The following AMMECR1 variants were observed in gnomAD, a reference collection of about 807,000 sequenced individuals.
AMMECR1 encodes AMMECR nuclear protein 1.
In AMMECR1, 3 loss-of-function variants were observed where a neutral mutation model predicts 22.5. The ratio of observed to expected loss-of-function variants is 0.13; its 90% CI spans 0.06 to 0.35. The LOEUF (loss-of-function observed/expected upper bound fraction) is 0.35. AMMECR1 is among the 10% of genes least tolerant of loss of function. AMMECR1 has a pLI of 1.00. For missense variants in AMMECR1, 235 were observed against 278.7 expected (o/e 0.84, Z 1.12); for synonymous variants, 130 against 116.7 (o/e 1.11, Z -0.74).
intron 3 of AMMECR1, among the ~76,000 whole-genome samples, chrX:110,206,281 T>C (rs751628291): frequency 6.8e-4 from 77 of 112,473 alleles, no homozygotes; most frequent in African/African-American, 2.4e-3. Flanking sequence ...AATTAAGCTT[T>C]GAGACTGTCT....
At chrX:110,376,628 AAAAG>A (rs1419800916) in intron 2 of AMMECR1, among the ~76,000 whole-genome samples, 1 of 112,465 alleles carries the variant, frequency 8.9e-6, no homozygotes, top group African/African-American at 3.2e-5. Context: ...AAGAAAACAA[AAAAG>A]AAACTCTTTT....
intron 2 of AMMECR1, among the ~76,000 whole-genome samples, chrX:110,422,339 T>G (rs1204613201): frequency 2.7e-5 from 3 of 112,851 alleles, no homozygotes; most frequent in Non-Finnish European, 3.7e-5. Flanking sequence ...TGCCACTCAG[T>G]GTAACCACAG....
At chrX:110,382,195 G>A (rs2068424851) in intron 2 of AMMECR1, among the ~76,000 whole-genome samples, 1 of 110,763 alleles carries the variant, frequency 9.0e-6, no homozygotes, top group Non-Finnish European at 1.9e-5. Flanking sequence ...AGGCCATGTG[G>A]AAAAAAACAG....
At chrX:110,402,828 C>T (rs1195754725) in intron 2 of AMMECR1, among the ~76,000 whole-genome samples, 1 of 111,980 alleles carries the variant, frequency 8.9e-6, no homozygotes, top group Admixed American at 9.4e-5. Context: ...AAAATAGGTC[C>T]TGAAAGGGGG....
At position 110,386,323 on chromosome X, in the gene AMMECR1, AATT is replaced by A. The variant is rs1208101970; in HGVS notation, c.-148+40332_-148+40334del. Reference sequence around the variant, plus strand: ...ATTTTATTTTATTTTTATTTTATTAAATTATTATTTTTATTATATTTATTTTAT... The same window carrying A: ...ATTTTATTTTATTTTTATTTTATTAAATTATTTTTATTATATTTATTTTAT... On this transcript the variant is annotated intron_variant, in intron 2 of 7. Coordinates refer to the AMMECR1 transcript ENST00000372057. Among the ~76,000 whole-genome samples, 5 of 109,157 alleles carry A rather than the reference AATT, an allele frequency of 4.6e-5. No homozygotes were observed. In the South Asian group the frequency reaches 1.1e-3, roughly 25 times the overall value. 94.8% of individuals were successfully genotyped at this position (109,157 alleles called of 115,157 possible).
At position 110,352,500 on chromosome X, in the gene AMMECR1, T is replaced by C. The variant is rs1336408528; in HGVS notation, c.-147-34651A>G. On this transcript the variant is annotated intron_variant, in intron 2 of 7. Coordinates refer to the AMMECR1 transcript ENST00000372057. ...AAGAAATGTTTAGAATAAGCATATC[T>C]ATATTGGCAGGAAGTCATTTGGTGG... 2.7e-5 allele frequency among the ~76,000 whole-genome samples: 3 copies of C among 112,126 alleles called. No individual in the cohort carries two copies. In the East Asian group the frequency reaches 8.4e-4, roughly 31 times the overall value.
intron 2 of AMMECR1, among the ~76,000 whole-genome samples, chrX:110,376,788 C>T (rs757808074): frequency 4.4e-5 from 5 of 112,419 alleles, no homozygotes; most frequent in Non-Finnish European, 9.4e-5. Flanking sequence ...ATCACAGTAC[C>T]TGCCTTGCAG....
intron 3 of AMMECR1, among the ~76,000 whole-genome samples, chrX:110,206,566 A>G (rs1192110003): frequency 8.9e-6 from 1 of 112,148 alleles, no homozygotes; most frequent in African/African-American, 3.2e-5. Flanking sequence ...TGAATATGCT[A>G]AAACATGAAA....
At chrX:110,214,710 C>T (rs1244143256) in intron 3 of AMMECR1, among the ~76,000 whole-genome samples, 1 of 111,423 alleles carries the variant, frequency 9.0e-6, no homozygotes, top group Non-Finnish European at 1.9e-5. Context: ...ATGTTTGTGA[C>T]ACACACACAT....
chrX:110,317,406 G>A (rs750285007), intron 1 of AMMECR1, among the ~76,000 whole-genome samples, 193 bp downstream of exon 1: 2 of 112,155 alleles, frequency 1.8e-5, no homozygotes, highest in South Asian at 7.5e-4. Flanking sequence ...GCAGCACCCT[G>A]CTCCAAGTGT....
At chrX:110,368,894 A>T (rs898505911) in intron 2 of AMMECR1, among the ~76,000 whole-genome samples, 1 of 111,915 alleles carries the variant, frequency 8.9e-6, no homozygotes, top group African/African-American at 3.2e-5. Context: ...GATATCCTTC[A>T]TCATCTGCAG....
intron 1 of AMMECR1, among the ~76,000 whole-genome samples, chrX:110,302,929 C>T (rs1450335084): frequency 9.0e-6 from 1 of 110,812 alleles, no homozygotes; most frequent in Non-Finnish European, 1.9e-5. Context: ...GAGAGATTGA[C>T]TGATTTTCCT....
intron 3 of AMMECR1, among the ~76,000 whole-genome samples, chrX:110,209,988 C>T (rs2067439657): frequency 9.0e-6 from 1 of 111,141 alleles, no homozygotes; most frequent in South Asian, 3.8e-4. Flanking sequence ...GGCTAACTTC[C>T]TCCAACCAAT....
chrX:110,199,395 A>T (rs771793293), intron 5 of AMMECR1, among the ~76,000 whole-genome samples: 6 of 110,885 alleles, frequency 5.4e-5, no homozygotes, highest in Non-Finnish European at 1.1e-4. Flanking sequence ...ATGTTTCTGT[A>T]TTCAGTTATT....
chrX:110,246,817 A>C (rs1326380003), intron 2 of AMMECR1, among the ~76,000 whole-genome samples: 3 of 112,450 alleles, frequency 2.7e-5, no homozygotes, highest in African/African-American at 9.7e-5. Flanking sequence ...AAAAGTGTAG[A>C]GCCATGAGCA....
chrX:110,367,124 T>G (rs1004258402), intron 2 of AMMECR1, among the ~76,000 whole-genome samples: 2 of 112,181 alleles, frequency 1.8e-5, no homozygotes, highest in Middle Eastern at 9.1e-3. Flanking sequence ...CACTAAATTT[T>G]ATTTCTTTTT....
intron 2 of AMMECR1, among the ~76,000 whole-genome samples, chrX:110,414,567 C>G (rs2148313389): frequency 8.8e-6 from 1 of 113,235 alleles, no homozygotes; most frequent in African/African-American, 3.2e-5. Flanking sequence ...GAGGAGGAAG[C>G]TGAGGCACAG....
intron 2 of AMMECR1, among the ~76,000 whole-genome samples, chrX:110,405,097 C>CT (rs1463304651): frequency 9.9e-6 from 1 of 101,211 alleles, no homozygotes. Flanking sequence ...GTCCCCCCCC[C>CT]CCCCAAGCAT....
At chrX:110,303,433 C>T (rs916998885) in intron 1 of AMMECR1, among the ~76,000 whole-genome samples, 4 of 111,644 alleles carry the variant, frequency 3.6e-5, no homozygotes, top group Non-Finnish European at 5.6e-5. Context: ...CCTGTATAAA[C>T]AAAATTGCCT....
Sources: allele counts gnomAD v4.1 joint callset (sites outside exome capture counted in the v4.1 genomes callset), GRCh38; gene constraint gnomAD v4.1.1; transcripts MANE v1.5; gene names NCBI Gene and HGNC (gene_info 2026-07-23, HGNC 2026-07-21).